Variants in TNS3 observed in about 807,000 individuals in gnomAD.
TNS3 encodes the protein tensin 3.
In TNS3, 45 loss-of-function variants were observed where a neutral mutation model predicts 140.9. That is an observed-to-expected ratio of 0.32 (90% CI 0.25 to 0.41). The LOEUF is 0.41. Among genes scored for constraint, TNS3 ranks in the 10% least tolerant of loss-of-function variants. The pLI, the probability that TNS3 is intolerant of heterozygous loss-of-function variation, is 1.00. For missense variants in TNS3, 1,716 were observed against 1,906.7 expected, an observed-to-expected ratio of 0.90 and a Z score of 1.86; for synonymous variants, 815 against 788.4, an observed-to-expected ratio of 1.03 and a Z score of -0.56.
chr7:47,305,460 G>A (rs966609396), intron 20 of TNS3, among the ~76,000 whole-genome samples: 4 of 152,258 alleles, frequency 2.6e-5, no homozygotes, highest in Admixed American at 2.0e-4. Context: ...AAGACCATAA[G>A]TGCAGGCCCT....
Position 47,509,810 on chromosome 7 carries a change from G to T in TNS3, c.-152-2866C>A, listed in dbSNP as rs116316070. Among the ~76,000 whole-genome samples, 717 of 152,134 alleles carry T rather than the reference G, an allele frequency of 4.7e-3. 5 individuals carry two copies. Among genetic ancestry groups the T allele is most frequent in the African/African-American group, 0.016 (672 of 41,500 alleles). On this transcript the variant is annotated intron_variant, in intron 2 of 30. Transcript: ENST00000311160. The stretch of plus-strand genomic sequence containing the variant: ...CCGGCTCAGCTGCCTCCGTTCCTGA[G>T]TTGACACCCTTCTGTGCCACTGAAC...
At position 47,487,317 on chromosome 7, in the gene TNS3, A is replaced by T. The variant is rs1797649257; in HGVS notation, c.-114-6176T>A. 1.3e-5 allele frequency among the ~76,000 whole-genome samples: 2 copies of T among 151,668 alleles called. 1 individual carries two copies. Among genetic ancestry groups the T allele is most frequent in the South Asian group, 4.2e-4 (2 of 4,800 alleles). The stretch of plus-strand genomic sequence containing the variant: ...CAAAAGAAAAAAAAAAAAGAACTGA[A>T]GCGAGCACCCTCAAGTGTCAAGCAT... On this transcript the variant is annotated intron_variant, in intron 3 of 30. Coordinates refer to ENST00000311160, the MANE Select transcript of TNS3 (RefSeq NM_022748.12).
At chr7:47,438,873 C>G (rs1795321571) in intron 6 of TNS3, among the ~76,000 whole-genome samples, 2 of 152,164 alleles carry the variant, frequency 1.3e-5, no homozygotes, top group African/African-American at 4.8e-5. Context: ...AGCTGTCATT[C>G]AATCCCATTA....
rs558392401 is a variant in TNS3 at position 47,407,586 on chromosome 7, C to T, written c.723+4141G>A. ...AGGAGAGGTTTATTTAATAAACAGA[C>T]TTGTTACAGGCTGAATGGTGTCCTT... On this transcript the variant is annotated intron_variant, in intron 13 of 30. Transcript: ENST00000311160. This position sits in a 1 kb window ranked among gnomAD's most constrained non-coding sequence, Gnocchi z 4.1. Among the ~76,000 whole-genome samples, 1 of 152,328 alleles carries T rather than the reference C, an allele frequency of 6.6e-6. No homozygotes were observed. Among genetic ancestry groups the T allele is most frequent in the Non-Finnish European group, 1.5e-5 (1 of 68,030 alleles).
chr7:47,369,299 G>C lies in TNS3; in HGVS notation c.1347C>G (p.Ser449Arg). 1 of 1,614,152 alleles carries C rather than the reference G, an allele frequency of 6.2e-7. No homozygotes were observed. The highest frequency in any genetic ancestry group is 8.5e-7 in the Non-Finnish European group (1 of 1,180,040). The part of the protein sequence containing the change: ...SSLKEMTDAR[S>R]KYSGTRHVVP... ...CCACGTGGCGGGTCCCACTGTACTT[G>C]CTTCGAGCATCAGTCATTTCCTTGA... is the stretch of plus-strand genomic sequence containing the variant. The change falls in exon 17 of 31, where the codon AGC becomes AGG. Residue 449 changes from serine (S) to arginine (R), a missense_variant. By Grantham distance (110) the Ser-to-Arg change is moderately radical. Coordinates refer to ENST00000311160, the MANE Select transcript of TNS3 (RefSeq NM_022748.12).
chr7:47,498,232 C>T (rs910696588), intron 3 of TNS3, among the ~76,000 whole-genome samples: 1 of 152,218 alleles, frequency 6.6e-6, no homozygotes, highest in Non-Finnish European at 1.5e-5. Flanking sequence ...CTTGCAGGCA[C>T]GGGGTGCCCT....
chr7:47,446,577 G>C (rs751684081), intron 4 of TNS3, among the ~76,000 whole-genome samples: 1 of 151,042 alleles, frequency 6.6e-6, no homozygotes, highest in Non-Finnish European at 1.5e-5. Flanking sequence ...TCTTATCACA[G>C]CCTTCAACAC....
chr7:47,493,855 G>C (rs1437291314), intron 3 of TNS3, among the ~76,000 whole-genome samples: 3 of 149,964 alleles, frequency 2.0e-5, no homozygotes, highest in Admixed American at 6.6e-5. Context: ...GACAAGAAAA[G>C]AAAACATGAG....
chr7:47,342,911 G>T (rs1789100856), intron 20 of TNS3, among the ~76,000 whole-genome samples: 1 of 152,246 alleles, frequency 6.6e-6, no homozygotes, highest in African/African-American at 2.4e-5. Context: ...CACACTGTCT[G>T]ATGAAAGCAT....
At chr7:47,379,239 G>A (rs1308262978) in intron 16 of TNS3, among the ~76,000 whole-genome samples, 2 of 152,314 alleles carry the variant, frequency 1.3e-5, no homozygotes, top group East Asian at 3.9e-4. Context: ...GTCAGGAAGC[G>A]ATATCTGAGC....
intron 1 of TNS3, among the ~76,000 whole-genome samples, chr7:47,570,005 C>G (rs1215532876): frequency 6.6e-6 from 1 of 151,922 alleles, no homozygotes; most frequent in Non-Finnish European, 1.5e-5. Context: ...AAAAAATTAG[C>G]CAGGCGTGGT....
chr7:47,571,016 A>G (rs1800542106), intron 1 of TNS3, among the ~76,000 whole-genome samples: 1 of 152,112 alleles, frequency 6.6e-6, no homozygotes, highest in Non-Finnish European at 1.5e-5. Flanking sequence ...CCACTCTGGA[A>G]GGGACATAGC....
chr7:47,305,875 T>A (rs1786719620), intron 20 of TNS3, among the ~76,000 whole-genome samples: 1 of 152,222 alleles, frequency 6.6e-6, no homozygotes. Flanking sequence ...TTGTTTTCTG[T>A]TTCAAAACTA....
At chr7:47,422,102 G>A (rs577581141) in intron 10 of TNS3, among the ~76,000 whole-genome samples, 3 of 152,194 alleles carry the variant, frequency 2.0e-5, no homozygotes, top group South Asian at 2.1e-4. Flanking sequence ...GCATTCATTC[G>A]TTTACATGCT....
chr7:47,442,583 C>A (rs1482961639), intron 4 of TNS3, among the ~76,000 whole-genome samples: 1 of 152,144 alleles, frequency 6.6e-6, no homozygotes, highest in African/African-American at 2.4e-5. Flanking sequence ...TGACAGAGAT[C>A]TACTATTTCA....
chr7:47,450,901 C>T (rs543998705), intron 4 of TNS3, among the ~76,000 whole-genome samples: 1 of 152,188 alleles, frequency 6.6e-6, no homozygotes, highest in East Asian at 1.9e-4. Context: ...CTTTGGGAGG[C>T]CAAGGCAGGG....
intron 3 of TNS3, among the ~76,000 whole-genome samples, chr7:47,501,186 AAGGGAGGG>A (rs113002696): frequency 0.011 from 584 of 54,846 alleles, 3 homozygotes; most frequent in Middle Eastern, 0.018. Flanking sequence ...GGAAGGAAGG[AAGGGAGGG>A]AGGGAGGGAG....
chr7:47,375,202 G>C (rs1452479123), intron 16 of TNS3, among the ~76,000 whole-genome samples: 1 of 152,182 alleles, frequency 6.6e-6, no homozygotes, highest in Non-Finnish European at 1.5e-5. Flanking sequence ...TTCAGCTGCG[G>C]ATGCAGGAGG....
Position 47,277,722 on chromosome 7 carries a change from C to T in TNS3, c.*354G>A, listed in dbSNP as rs1784929514. 1 of 339,050 alleles carries T rather than the reference C, an allele frequency of 2.9e-6. No individual in the cohort carries two copies. Among genetic ancestry groups the T allele is most frequent in the Admixed American group, 4.2e-5 (1 of 23,678 alleles). The allele number at this position is 339,050 out of a possible 1,614,324, so 21.0% of individuals were successfully genotyped here. ...CCTCAAGGGCTGGGGATTCCTCATC[C>T]CCCGGAATGCTAGTGTGCCAGGGAC... On this transcript the variant is annotated 3_prime_UTR_variant, in exon 31 of 31. Coordinates refer to ENST00000311160, the MANE Select transcript of TNS3 (RefSeq NM_022748.12).
Sources: allele counts gnomAD v4.1 joint callset (sites outside exome capture counted in the v4.1 genomes callset), GRCh38; gene constraint gnomAD v4.1.1; non-coding constraint Gnocchi (gnomAD v3.1); transcripts MANE v1.5; gene names NCBI Gene and HGNC (gene_info 2026-07-23, HGNC 2026-07-21).